Variants in SOX6 observed in about 807,000 individuals in gnomAD.
SOX6 encodes transcription factor SOX-6.
SOX6 carries 11 observed loss-of-function variants against 97.8 expected under a neutral mutation model. The ratio of observed to expected loss-of-function variants is 0.11; its 90% CI spans 0.07 to 0.19. SOX6 has a LOEUF of 0.19. SOX6 is among the 10% of genes least tolerant of loss of function. The pLI is 1.00. For missense variants in SOX6, 810 were observed against 1,039.5 expected (o/e 0.78, Z 3.04); for synonymous variants, 360 against 371.4 (o/e 0.97, Z 0.35).
intron 10 of SOX6, among the ~76,000 whole-genome samples, chr11:16,050,751 CTTTAT>C (rs1321472698): frequency 2.6e-5 from 4 of 152,080 alleles, no homozygotes; most frequent in Non-Finnish European, 5.9e-5. Context: ...AAGCTCCTTC[CTTTAT>C]TTTGTCTCAT....
intron 4 of SOX6, among the ~76,000 whole-genome samples, chr11:16,557,603 T>C (rs892903269): frequency 1.3e-5 from 2 of 151,914 alleles, no homozygotes; most frequent in South Asian, 4.2e-4. Flanking sequence ...AATTACTTCT[T>C]TGCTTATATA....
chr11:16,124,308 C>CAT (rs923164107), intron 6 of SOX6, among the ~76,000 whole-genome samples: 62 of 151,950 alleles, frequency 4.1e-4, no homozygotes, highest in Admixed American at 2.4e-3. Context: ...TACAAAAATA[C>CAT]ATATATATAT....
At chr11:16,245,494 C>T (rs1309413128) in intron 3 of SOX6, among the ~76,000 whole-genome samples, 2 of 151,592 alleles carry the variant, frequency 1.3e-5, no homozygotes, top group Admixed American at 6.6e-5. Flanking sequence ...TTTCTGTCTA[C>T]TTGTTTTATC....
At chr11:16,394,254 T>C (rs1468726897) in intron 1 of SOX6, among the ~76,000 whole-genome samples, 2 of 151,956 alleles carry the variant, frequency 1.3e-5, no homozygotes, top group Non-Finnish European at 1.5e-5. Flanking sequence ...TAAAAAAATG[T>C]ATAAGATAAT....
chr11:16,437,486 A>G (rs939746979), intron 1 of SOX6, among the ~76,000 whole-genome samples: 2 of 152,196 alleles, frequency 1.3e-5, no homozygotes, highest in African/African-American at 4.8e-5. Flanking sequence ...TTCTCAAAGA[A>G]CATCTGTTTA....
At chr11:16,075,125 A>G (rs2133947240) in intron 9 of SOX6, among the ~76,000 whole-genome samples, 1 of 152,336 alleles carries the variant, frequency 6.6e-6, no homozygotes, top group African/African-American at 2.4e-5. Context: ...AAAAACAAGC[A>G]ATGAGGAAAG....
intron 14 of SOX6, 109 bp from the exon 15 acceptor site, chr11:15,986,529 C>A (rs1166479671): frequency 3.0e-6 from 3 of 1,003,886 alleles, no homozygotes; most frequent in Non-Finnish European, 4.6e-6. Flanking sequence ...CGCTGGGTGG[C>A]TCCAATTCCC....
chr11:16,043,690 T>C (rs1855743288), intron 12 of SOX6, among the ~76,000 whole-genome samples: 1 of 152,188 alleles, frequency 6.6e-6, no homozygotes, highest in African/African-American at 2.4e-5. Context: ...CTAATATTAC[T>C]AAATGTAACA....
intron 12 of SOX6, among the ~76,000 whole-genome samples, chr11:16,020,251 C>T (rs1332840298): frequency 6.6e-6 from 1 of 151,970 alleles, no homozygotes; most frequent in Non-Finnish European, 1.5e-5. Context: ...TTGCCCTCAA[C>T]CCTCTCTCAA....
At chr11:16,386,235 C>G (rs1462441740) in intron 1 of SOX6, among the ~76,000 whole-genome samples, 1 of 150,052 alleles carries the variant, frequency 6.7e-6, no homozygotes, top group Non-Finnish European at 1.5e-5. Flanking sequence ...GAAATCTATT[C>G]AACTTCAATA....
At chr11:16,407,345 A>C (rs1431573156) in intron 1 of SOX6, among the ~76,000 whole-genome samples, 1 of 152,170 alleles carries the variant, frequency 6.6e-6, no homozygotes, top group Non-Finnish European at 1.5e-5. Flanking sequence ...AAAAACATAC[A>C]AAGAAAATTG....
At chr11:16,399,387 TCTCA>T (rs1196999163) in intron 1 of SOX6, among the ~76,000 whole-genome samples, 3 of 150,026 alleles carry the variant, frequency 2.0e-5, no homozygotes, top group Non-Finnish European at 4.4e-5. Flanking sequence ...AGAAACTGGG[TCTCA>T]CTCTATTGAC....
intron 4 of SOX6, among the ~76,000 whole-genome samples, chr11:16,544,842 G>C (rs1171493365): frequency 6.6e-6 from 1 of 151,930 alleles, no homozygotes; most frequent in African/African-American, 2.4e-5. Flanking sequence ...TGTTAAAACA[G>C]CTATTAAAAT....
At chr11:16,673,563 A>G (rs1847862378) in intron 3 of SOX6, among the ~76,000 whole-genome samples, 1 of 152,204 alleles carries the variant, frequency 6.6e-6, no homozygotes, top group African/African-American at 2.4e-5. Context: ...CCATGAAGAA[A>G]TCTCGAACAG....
chr11:16,218,963 TG>T (rs1278762014), intron 4 of SOX6, among the ~76,000 whole-genome samples: 3 of 152,110 alleles, frequency 2.0e-5, no homozygotes, highest in Admixed American at 6.6e-5. Flanking sequence ...TTACAAAAGC[TG>T]TACCCCTCTT....
Position 16,416,930 on chromosome 11 carries a change from C to T in SOX6, c.-5+59385G>A, listed in dbSNP as rs963851824. Among the ~76,000 whole-genome samples the T allele has an allele frequency of 2.6e-5, 4 of 152,258 alleles. No homozygotes were observed. The East Asian group carries it at 7.7e-4, about 29-fold the overall frequency. ...AAGTATTCCATAGAACAATACCTTC[C>T]TTCTACCTTTCACACTGAAGCGTGA... On this transcript the variant is annotated intron_variant, in intron 1 of 15. Coordinates refer to the SOX6 transcript ENST00000396356.
rs1319506389 is a variant in SOX6 at position 16,613,638 on chromosome 11, C to T, written n.430-1378G>A. On this transcript the variant is annotated intron_variant and non_coding_transcript_variant, in intron 3 of 5. Transcript: ENST00000524520. This position sits in a 1 kb window ranked among gnomAD's most constrained non-coding sequence, Gnocchi z 4.6. ...GCGCGGACCCACGAGCACACACACA[C>T]GCACGCACACACACAGACACGCGCG... Among the ~76,000 whole-genome samples the T allele has an allele frequency of 1.3e-5, 2 of 152,284 alleles. No individual in the cohort carries two copies. The highest frequency in any genetic ancestry group is 3.9e-4 in the East Asian group (2 of 5,158).
At chr11:16,378,390 A>G (rs915373972) in intron 1 of SOX6, among the ~76,000 whole-genome samples, 1 of 152,158 alleles carries the variant, frequency 6.6e-6, no homozygotes, top group Admixed American at 6.5e-5. Context: ...ACAAATACTC[A>G]AGAATAACCA....
At chr11:16,319,983 G>A (rs1855867637) in intron 2 of SOX6, among the ~76,000 whole-genome samples, 1 of 152,024 alleles carries the variant, frequency 6.6e-6, no homozygotes, top group Non-Finnish European at 1.5e-5. Context: ...ACTGTGAAGA[G>A]GTTTAGATGG....
Sources: gnomAD v4.1 joint callset for allele counts (sites outside exome capture counted in the v4.1 genomes callset) on GRCh38, gnomAD v4.1.1 for gene constraint, Gnocchi (gnomAD v3.1) non-coding constraint, MANE v1.5 for transcripts, NCBI Gene and HGNC (gene_info 2026-07-23, HGNC 2026-07-21) for gene names.